The following WDR59 variants were observed in gnomAD, a reference collection of about 807,000 sequenced individuals.
The protein encoded by WDR59 is WD repeat domain 59.
Under a neutral mutation model 131.2 loss-of-function variants are expected in WDR59, and 100 were observed. That is an observed-to-expected ratio of 0.76 (90% CI 0.65 to 0.90). The LOEUF (loss-of-function observed/expected upper bound fraction) is 0.90. Ranked by LOEUF, WDR59 falls within the 40% of genes least tolerant of loss-of-function variation. WDR59 has a pLI of 0.00. For synonymous variants in WDR59, 601 were observed against 466.2 expected (o/e 1.29, Z -3.72); for missense variants, 1,203 against 1,262.2 (o/e 0.95, Z 0.71).
chr16:74,968,432 A>C (rs563100048), intron 1 of WDR59, among the ~76,000 whole-genome samples: 2 of 152,280 alleles, frequency 1.3e-5, no homozygotes, highest in African/African-American at 4.8e-5. Context: ...GTAAGATGCT[A>C]AATATGGACC....
intron 9 of WDR59, 114 bp downstream of exon 9, chr16:74,923,812 C>T (rs2030498979): frequency 1.0e-6 from 1 of 961,756 alleles, no homozygotes; most frequent in East Asian, 2.6e-5. Flanking sequence ...ACTAAACCAA[C>T]AGAGAAAGAG....
At chr16:74,942,225 G>C (rs780080114) in intron 7 of WDR59, among the ~76,000 whole-genome samples, 20 of 152,142 alleles carry the variant, frequency 1.3e-4, no homozygotes, top group Non-Finnish European at 2.6e-4. Context: ...CTTTGAGGCT[G>C]ATGGGATGTC....
chr16:74,927,518 G>A (rs369134739), intron 8 of WDR59, among the ~76,000 whole-genome samples: 3 of 149,234 alleles, frequency 2.0e-5, no homozygotes, highest in East Asian at 2.0e-4. Context: ...AACCCCGGAG[G>A]TGGAGGTTGC....
intron 8 of WDR59, among the ~76,000 whole-genome samples, chr16:74,934,460 T>G (rs1328412979): frequency 6.6e-6 from 1 of 152,234 alleles, no homozygotes; most frequent in African/African-American, 2.4e-5. Flanking sequence ...CTCAAGGCAA[T>G]CACTGATGCA....
chr16:74,881,120 T>C (rs1964458490), intron 25 of WDR59, among the ~76,000 whole-genome samples: 1 of 152,170 alleles, frequency 6.6e-6, no homozygotes, highest in South Asian at 2.1e-4. Flanking sequence ...AAAAATCATC[T>C]TATATCCTGA....
intron 1 of WDR59, among the ~76,000 whole-genome samples, chr16:74,973,301 T>C (rs2034060623): frequency 7.7e-6 from 1 of 130,700 alleles, no homozygotes; most frequent in South Asian, 2.4e-4. Flanking sequence ...TTTTGCTTTT[T>C]AGATTGGGGT....
rs772192575 is a variant in WDR59, at chr16:74,903,952, C to A, written c.1861G>T (p.Glu621Ter). The change falls in exon 18 of 26, where the codon GAG becomes TAG. Residue 621 changes from glutamate (E) to a stop codon, truncating the protein, a stop_gained. Transcript: ENST00000262144. LOFTEE classifies it high-confidence loss of function. ...GCTACGGCTCTGGCACTTACCCGCT[C>A]CTTGTAGTAGAAGGAGCTGATGGAG... ...QVSISSFYYK[E>*]RKSRRWKSKR... is the part of the protein sequence containing the mutation. 6.2e-7 allele frequency: 1 copy of A among 1,607,412 alleles called. No homozygotes were observed. The highest frequency in any genetic ancestry group is 2.2e-4 in the Middle Eastern group (1 of 4,608).
chr16:74,973,983 A>G (rs1404339752), intron 1 of WDR59, among the ~76,000 whole-genome samples: 1 of 152,176 alleles, frequency 6.6e-6, no homozygotes, highest in East Asian at 1.9e-4. Flanking sequence ...CAGCCTGGCC[A>G]ACATGGTGAA....
At chr16:74,878,665 A>G (rs1030973132) in intron 25 of WDR59, among the ~76,000 whole-genome samples, 27 of 152,264 alleles carry the variant, frequency 1.8e-4, no homozygotes, top group Middle Eastern at 3.4e-3. Context: ...GCCAAAAAAA[A>G]GAAAACAAAA....
At chr16:74,972,065 T>C (rs1377571156) in intron 1 of WDR59, among the ~76,000 whole-genome samples, 2 of 152,192 alleles carry the variant, frequency 1.3e-5, no homozygotes, top group African/African-American at 2.4e-5. Flanking sequence ...AACAAACTTA[T>C]TGTCCAGGAC....
At chr16:74,890,970 T>A (rs906796611) in intron 20 of WDR59, among the ~76,000 whole-genome samples, 1 of 151,838 alleles carries the variant, frequency 6.6e-6, no homozygotes, top group Non-Finnish European at 1.5e-5. Context: ...AAAAATTAGC[T>A]GGGCATGGTG....
intron 7 of WDR59, among the ~76,000 whole-genome samples, chr16:74,942,280 G>A (rs1024759704): frequency 6.6e-6 from 1 of 152,044 alleles, no homozygotes; most frequent in East Asian, 1.9e-4. Flanking sequence ...ACCCTACCTT[G>A]CTCATCGTTA....
At chr16:74,960,411 A>C (rs2033506773) in intron 2 of WDR59, among the ~76,000 whole-genome samples, 1 of 151,952 alleles carries the variant, frequency 6.6e-6, no homozygotes, top group South Asian at 2.1e-4. Context: ...CAAGATATCC[A>C]ACATTGACTA....
chr16:74,980,071 G>T (rs2034342303), intron 1 of WDR59, among the ~76,000 whole-genome samples: 1 of 151,702 alleles, frequency 6.6e-6, no homozygotes, highest in South Asian at 2.1e-4. Flanking sequence ...ATGTTAGCCA[G>T]GCTGGTCTCG....
At chr16:74,959,508 G>T in intron 2 of WDR59, 1 of 451,510 alleles carries the variant, frequency 2.2e-6, no homozygotes, top group South Asian at 1.6e-5. Context: ...GCTCACACTG[G>T]AACTCTTAGT....
intron 8 of WDR59, among the ~76,000 whole-genome samples, chr16:74,935,995 T>G (rs1949343914): frequency 7.1e-6 from 1 of 140,038 alleles, no homozygotes; most frequent in Non-Finnish European, 1.5e-5. Flanking sequence ...AGACTCCACC[T>G]CAAAAAAAAA....
At chr16:74,916,313 C>A in intron 11 of WDR59, 54 bp from the exon 12 acceptor site, 3 of 1,608,798 alleles carry the variant, frequency 1.9e-6, no homozygotes, top group South Asian at 2.2e-5. Flanking sequence ...AAATGATTGT[C>A]ATGTCTGATT....
chr16:74,872,078 T>C lies in WDR59; in HGVS notation c.*2131A>G, dbSNP rs1964020965. On this transcript the variant is annotated 3_prime_UTR_variant, in exon 26 of 26. Coordinates refer to ENST00000262144, the MANE Select transcript of WDR59 (RefSeq NM_030581.4). The stretch of plus-strand genomic sequence containing the variant: ...GATCCGGTATACACCTGTGCACACA[T>C]GTGCTGCACACACGTAAACAAGTTA... 6.6e-6 allele frequency: 1 copy of C among 152,278 alleles called. No individual in the cohort carries two copies. Among genetic ancestry groups the C allele is most frequent in the South Asian group, 2.1e-4 (1 of 4,836 alleles). The allele number at this position is 152,278 out of a possible 1,614,324, so 9.4% of individuals were successfully genotyped here.
intron 17 of WDR59, among the ~76,000 whole-genome samples, chr16:74,904,753 AT>A (rs2144893437): frequency 6.6e-6 from 1 of 152,358 alleles, no homozygotes; most frequent in South Asian, 2.1e-4. Context: ...GACCTATCAG[AT>A]TTAAACACTT....
Sources: allele counts gnomAD v4.1 joint callset (sites outside exome capture counted in the v4.1 genomes callset), GRCh38; gene constraint gnomAD v4.1.1; transcripts MANE v1.5; gene names NCBI Gene and HGNC (gene_info 2026-07-23, HGNC 2026-07-21).